ETAA1: variants seen among roughly 807,000 people sequenced by gnomAD.
ETAA1 encodes the protein ewing's tumor-associated antigen 1.
Under a neutral mutation model 76.8 loss-of-function variants are expected in ETAA1, and 49 were observed. That is an observed-to-expected ratio of 0.64 (90% confidence interval 0.51 to 0.81). The LOEUF is 0.81. ETAA1 is among the 30% of genes least tolerant of loss of function. The pLI, the probability that ETAA1 is intolerant of heterozygous loss-of-function variation, is 0.00. For missense variants in ETAA1, 1,099 were observed against 1,074.0 expected (o/e 1.02, Z -0.32); for synonymous variants, 373 against 372.2 (o/e 1.00, Z -0.03).
Position 67,399,608 on chromosome 2 carries a change from T to G in ETAA1, c.411T>G (p.Val137=), listed in dbSNP as rs755120888. The change falls in exon 3 of 6, where the codon GTT becomes GTG. Residue 137 remains valine, a synonymous_variant. Coordinates refer to ENST00000272342, the MANE Select transcript of ETAA1 (RefSeq NM_019002.4). ...ATAGTGATGAGATTTCACATATTGT[T>G]AATCGTATTGCTCCTCAGGTAAATA... ...TTDSDEISHI[V]NRIAPQDEKP... The G allele has an allele frequency of 4.4e-6, 7 of 1,607,600 alleles. No individual in the cohort carries two copies. Among genetic ancestry groups the G allele is most frequent in the Non-Finnish European group, 4.3e-6 (5 of 1,175,478 alleles).
chr2:67,397,831 G>T (rs532995261), intron 1 of ETAA1, among the ~76,000 whole-genome samples, 160 bp downstream of exon 1: 4 of 152,236 alleles, frequency 2.6e-5, no homozygotes, highest in African/African-American at 9.6e-5. Context: ...ACCACTCCCC[G>T]ATGGGCTTTT....
intron 5 of ETAA1, among the ~76,000 whole-genome samples, chr2:67,405,742 ATAAT>A (rs1156647160): frequency 1.3e-5 from 2 of 152,082 alleles, no homozygotes; most frequent in Admixed American, 6.6e-5. Flanking sequence ...AGTGAGGTAA[ATAAT>A]ATTTAGAAAT....
Position 67,397,389 on chromosome 2 carries a change from C to G in ETAA1, c.-60C>G, listed in dbSNP as rs909437945. 8 of 1,512,856 alleles carry G rather than the reference C, an allele frequency of 5.3e-6. No homozygotes were observed. Among genetic ancestry groups the G allele is most frequent in the Non-Finnish European group, 7.2e-6 (8 of 1,112,886 alleles). The allele number at this position is 1,512,856 out of a possible 1,614,324, so 93.7% of individuals were successfully genotyped here. A position where few individuals can be genotyped will look rare whatever the true frequency, so the allele number is the denominator to read the frequency against. On this transcript the variant is annotated 5_prime_UTR_variant, in exon 1 of 6. Coordinates refer to ENST00000272342, the MANE Select transcript of ETAA1 (RefSeq NM_019002.4). ...GGGTGCGGTTTGTAGTGCTGTTGCC[C>G]TACTCATCCCTTTGCAAAATGTGAA...
intron 3 of ETAA1, chr2:67,400,791 A>C (rs1290816514): frequency 6.6e-6 from 1 of 152,186 alleles, no homozygotes. Context: ...ACTGTCACCC[A>C]GGTGGAAGAG....
chr2:67,399,165 A>G lies in ETAA1; in HGVS notation c.224-4A>G. On this transcript the variant is annotated splice_polypyrimidine_tract_variant and splice_region_variant and intron_variant, in intron 1 of 5. Coordinates refer to ENST00000272342, the MANE Select transcript of ETAA1 (RefSeq NM_019002.4). Reference sequence around the variant, plus strand: ...AATTGTTATTTTACTCATATTTTATATAGAAAGGTATGAAACACCAAAGAG... The same window carrying G: ...AATTGTTATTTTACTCATATTTTATGTAGAAAGGTATGAAACACCAAAGAG... 1 of 1,605,398 alleles carries G rather than the reference A, an allele frequency of 6.2e-7. No homozygotes were observed. Among genetic ancestry groups the G allele is most frequent in the Non-Finnish European group, 8.5e-7 (1 of 1,177,270 alleles).
chr2:67,404,426 G>T lies in ETAA1; in HGVS notation c.1744G>T (p.Asp582Tyr). 2 of 1,613,258 alleles carry T rather than the reference G, an allele frequency of 1.2e-6. No homozygotes were observed. The highest frequency in any genetic ancestry group is 1.7e-6 in the Non-Finnish European group (2 of 1,179,500). The change falls in exon 5 of 6, where the codon GAT becomes TAT. Residue 582 changes from aspartate (D) to tyrosine (Y), a missense_variant. Physicochemically the swap from Asp to Tyr is radical, Grantham distance 160. Around this residue, in one of 3 missense-constraint regions of ETAA1, gnomAD observed 761 missense variants for 731.9 expected, o/e 1.04. Transcript: ENST00000272342. The part of the protein sequence containing the change: ...KVGSFFDDWN[D>Y]PSFANEIIKA... ...AGGTTCTTTCTTTGATGATTGGAAT[G>T]ATCCCTCATTTGCCAATGAAATTAT...
At chr2:67,397,733 C>T in intron 1 of ETAA1, 62 bp downstream of exon 1, 1 of 1,484,022 alleles carries the variant, frequency 6.7e-7, no homozygotes, top group Non-Finnish European at 9.1e-7. Context: ...TCCCAGCTTG[C>T]AACAGGGAAA....
In ETAA1 at chr2:67,397,622, G is replaced by A; in HGVS notation, c.174G>A (p.Gln58=). Reference sequence around the variant, plus strand: ...AGGGGCCTCCCGGGCCAGTGCGGCAGCGAGAGCAGCCTCCGACCGCCGCCC... The same window carrying A: ...AGGGGCCTCCCGGGCCAGTGCGGCAACGAGAGCAGCCTCCGACCGCCGCCC... ...AREGPPGPVR[Q]REQPPTAALC... Residue 58 remains glutamine (Q), a synonymous_variant, in exon 1 of 6, where the codon CAG becomes CAA. Coordinates refer to ENST00000272342, the MANE Select transcript of ETAA1 (RefSeq NM_019002.4). 1.0e-5 allele frequency: 16 copies of A among 1,548,270 alleles called. No homozygotes were observed. Among genetic ancestry groups the A allele is most frequent in the Admixed American group, 2.0e-5 (1 of 51,000 alleles).
intron 5 of ETAA1, among the ~76,000 whole-genome samples, chr2:67,407,792 C>T (rs1341958504): frequency 6.6e-6 from 1 of 151,976 alleles, no homozygotes; most frequent in African/African-American, 2.4e-5. Context: ...AGTGGATCAT[C>T]ATAAAGGTCT....
chr2:67,399,390 C>T (rs1478895104), intron 2 of ETAA1, 93 bp downstream of exon 2: 3 of 1,254,044 alleles, frequency 2.4e-6, no homozygotes, highest in South Asian at 1.3e-5. Flanking sequence ...CATCGGGAAC[C>T]TCTGAGAATG....
chr2:67,399,476 TAAG>T, intron 2 of ETAA1, 71 bp from the exon 3 acceptor site: 3 of 1,265,568 alleles, frequency 2.4e-6, no homozygotes, highest in Non-Finnish European at 3.4e-6. Flanking sequence ...AATTACTTTC[TAAG>T]AAGTGACAGC....
At chr2:67,408,452 A>G (rs1297835641) in intron 5 of ETAA1, among the ~76,000 whole-genome samples, 1 of 152,044 alleles carries the variant, frequency 6.6e-6, no homozygotes, top group Non-Finnish European at 1.5e-5. Context: ...ATCCATAACT[A>G]TTTTTGCTAC....
Position 67,399,555 on chromosome 2 carries a change from G to A in ETAA1, c.358G>A (p.Gly120Arg), listed in dbSNP as rs774092806. 5 of 1,597,858 alleles carry A rather than the reference G, an allele frequency of 3.1e-6. No homozygotes were observed. In the Admixed American group the frequency reaches 6.9e-5, roughly 22 times the overall value. ...NSPLTKQLGK[G>R]RKKQIYTTDS... ...AAATGTCTTTGTTTCTTTAGGTAAA[G>A]GAAGAAAAAAACAGATTTACACCAC... Residue 120 changes from glycine to arginine, a missense_variant, in exon 3 of 6, where the codon GGA (glycine) becomes AGA (arginine). Physicochemically the swap from Gly to Arg is moderately radical, Grantham distance 125 (BLOSUM62 -2). Around this residue, in one of 3 missense-constraint regions of ETAA1, gnomAD observed 761 missense variants for 731.9 expected, o/e 1.04. Coordinates refer to ENST00000272342, the MANE Select transcript of ETAA1 (RefSeq NM_019002.4).
In ETAA1 at chr2:67,397,671, G is replaced by C; in HGVS notation, c.223G>C (p.Glu75Gln). Residue 75 changes from glutamate (E) to glutamine (Q), a missense_variant and splice_region_variant, in exon 1 of 6, where the codon GAA becomes CAA. By Grantham distance (29) the Glu-to-Gln change is conservative (BLOSUM62 2). Around this residue, in one of 3 missense-constraint regions of ETAA1, gnomAD observed 761 missense variants for 731.9 expected, o/e 1.04. Coordinates refer to ENST00000272342, the MANE Select transcript of ETAA1 (RefSeq NM_019002.4). ...AALCSKSNPE[E>Q]RYETPKRALK... The stretch of plus-strand genomic sequence containing the variant: ...CCTGTGCAGTAAAAGTAACCCCGAG[G>C]GTGAGACGTCGGCAGCGCGGCCTGC... 1 of 1,545,808 alleles carries C rather than the reference G, an allele frequency of 6.5e-7. No individual in the cohort carries two copies. The highest frequency in any genetic ancestry group is 1.4e-5 in the African/African-American group (1 of 73,052).
At chr2:67,406,705 GAT>G (rs1032686767) in intron 5 of ETAA1, among the ~76,000 whole-genome samples, 4 of 151,856 alleles carry the variant, frequency 2.6e-5, no homozygotes, top group South Asian at 2.1e-4. Flanking sequence ...AATATAAAAA[GAT>G]ATGTGTGTGT....
At chr2:67,401,761 G>T (rs1558579847) in intron 3 of ETAA1, 1 of 151,838 alleles carries the variant, frequency 6.6e-6, no homozygotes, top group East Asian at 1.9e-4. Context: ...ATTCAAGATT[G>T]TTGAAATAAA....
rs57636211 is a variant in ETAA1 at position 67,398,306 on chromosome 2, C to CTTTTTT, written c.223+652_223+657dup. On this transcript the variant is annotated intron_variant, in intron 1 of 5. Coordinates refer to ENST00000272342, the MANE Select transcript of ETAA1 (RefSeq NM_019002.4). ...TCTGGAGCATGTTCTTGAAATAGTG[C>CTTTTTT]TTTTTTTTTTTTTTTTTTTTTTATA... Among the ~76,000 whole-genome samples, 3 of 85,404 alleles carry CTTTTTT rather than the reference C, an allele frequency of 3.5e-5. 1 individual carries two copies. Among genetic ancestry groups the CTTTTTT allele is most frequent in the Non-Finnish European group, 7.1e-5 (3 of 42,254 alleles). The allele number at this position is 85,404 out of a possible 152,430, so 56.0% of individuals were successfully genotyped here. A position where few individuals can be genotyped will look rare whatever the true frequency, so the allele number is the denominator to read the frequency against.
intron 5 of ETAA1, among the ~76,000 whole-genome samples, chr2:67,405,818 G>A (rs1676202356): frequency 2.6e-5 from 4 of 152,072 alleles, no homozygotes; most frequent in Admixed American, 2.6e-4. Context: ...TGCTAGCGGT[G>A]ATGGTTAAAA....
chr2:67,408,018 T>C (rs1676265212), intron 5 of ETAA1, among the ~76,000 whole-genome samples: 1 of 152,198 alleles, frequency 6.6e-6, no homozygotes, highest in African/African-American at 2.4e-5. Flanking sequence ...TATCTACCAA[T>C]CTATCTGCAT....
Sources: gnomAD v4.1 joint callset for allele counts (sites outside exome capture counted in the v4.1 genomes callset) on GRCh38, gnomAD v4.1.1 for gene constraint, gnomAD v4.1.1 regional missense constraint, MANE v1.5 for transcripts, NCBI Gene and HGNC (gene_info 2026-07-23, HGNC 2026-07-21) for gene names.